The following CACNB2 variants were observed in gnomAD, a reference collection of about 807,000 sequenced individuals.
CACNB2 encodes the protein voltage-dependent L-type calcium channel subunit beta-2.
In CACNB2, 42 loss-of-function variants were observed where a neutral mutation model predicts 73.3. The observed-to-expected ratio is 0.57, with a 90% confidence interval of 0.45 to 0.74. The LOEUF is 0.74. Ranked by LOEUF, CACNB2 falls within the 30% of genes least tolerant of loss-of-function variation. CACNB2 has a pLI of 0.00. For synonymous variants in CACNB2, 348 were observed against 310.3 expected (o/e 1.12, Z -1.28); for missense variants, 940 against 853.0 (o/e 1.10, Z -1.27).
At chr10:18,166,554 A>G (rs2032865526) in intron 2 of CACNB2, among the ~76,000 whole-genome samples, 1 of 152,226 alleles carries the variant, frequency 6.6e-6, no homozygotes, top group Admixed American at 6.5e-5. Context: ...CTAAACTCAT[A>G]AATATTCCTA....
At chr10:18,447,579 A>T (rs1589385056) in intron 3 of CACNB2, among the ~76,000 whole-genome samples, 3 of 152,224 alleles carry the variant, frequency 2.0e-5, no homozygotes, top group Admixed American at 6.5e-5. Flanking sequence ...GTGTTCAGCA[A>T]CGTCAAATGC....
chr10:18,398,667 TCACACACACACA>T (rs755907676), intron 2 of CACNB2, among the ~76,000 whole-genome samples: 2 of 132,296 alleles, frequency 1.5e-5, no homozygotes, highest in Admixed American at 7.4e-5. Flanking sequence ...AGTGAGACTG[TCACACACACACA>T]CACACACACA....
chr10:18,534,026 C>G (rs751779050), intron 10 of CACNB2, 50 bp from the exon 11 acceptor site: 1 of 1,597,634 alleles, frequency 6.3e-7, no homozygotes, highest in Admixed American at 1.7e-5. Flanking sequence ...TACCATTTTA[C>G]TTTATCTTAA....
At chr10:18,390,509 G>A (rs1477413554) in intron 2 of CACNB2, among the ~76,000 whole-genome samples, 1 of 152,234 alleles carries the variant, frequency 6.6e-6, no homozygotes, top group Non-Finnish European at 1.5e-5. Context: ...ACGGGGCCCA[G>A]CCAACATGGT....
At chr10:18,442,966 ATATG>A (rs1430085164) in intron 3 of CACNB2, among the ~76,000 whole-genome samples, 1 of 24,066 alleles carries the variant, frequency 4.2e-5, no homozygotes, top group South Asian at 1.3e-3. Context: ...ATGTATATAT[ATATG>A]TGTATATATA....
chr10:18,262,806 T>G (rs2037615569), intron 2 of CACNB2, among the ~76,000 whole-genome samples: 1 of 152,202 alleles, frequency 6.6e-6, no homozygotes, highest in Non-Finnish European at 1.5e-5. Context: ...AATTCTGAAA[T>G]AAGGCCTCCA....
intron 3 of CACNB2, among the ~76,000 whole-genome samples, chr10:18,431,132 C>G (rs959263625): frequency 6.6e-6 from 1 of 151,964 alleles, no homozygotes; most frequent in East Asian, 1.9e-4. Flanking sequence ...CAGGAGTGTA[C>G]TACTACATCT....
chr10:18,403,951 T>C (rs2044146939), intron 3 of CACNB2, among the ~76,000 whole-genome samples: 1 of 151,896 alleles, frequency 6.6e-6, no homozygotes, highest in Non-Finnish European at 1.5e-5. Flanking sequence ...AATAACTTAA[T>C]TGTATATTTT....
chr10:18,141,117 C>G, intron 1 of CACNB2: 1 of 1,549,582 alleles, frequency 6.5e-7, no homozygotes, highest in African/African-American at 1.4e-5. Context: ...TCCTCCCAGA[C>G]TTCTCCCGGG....
In CACNB2 at chr10:18,387,756, C is replaced by T. The variant is rs376575587; in HGVS notation, c.214-14168C>T. On this transcript the variant is annotated intron_variant, in intron 2 of 13. Coordinates refer to ENST00000324631, the MANE Select transcript of CACNB2 (RefSeq NM_201596.3). ...AGCATAGTCACCGAGCCATTTCTTT[C>T]TCTCTTTTTTTTTTTTTAGCGACAG... is the stretch of plus-strand genomic sequence containing the variant. Among the ~76,000 whole-genome samples, 458 of 151,436 alleles carry T rather than the reference C, an allele frequency of 3.0e-3. 3 individuals are homozygous for T. Among genetic ancestry groups the T allele is most frequent in the African/African-American group, 0.011 (439 of 41,122 alleles).
At chr10:18,411,262 T>C (rs113085015) in intron 3 of CACNB2, among the ~76,000 whole-genome samples, 10,007 of 152,222 alleles carry the variant, frequency 0.066, 873 homozygotes, top group African/African-American at 0.18. Flanking sequence ...CTACCTGTGA[T>C]AAATAAAAAG....
At chr10:18,489,571 T>G (rs2049289406) in intron 3 of CACNB2, among the ~76,000 whole-genome samples, 1 of 151,914 alleles carries the variant, frequency 6.6e-6, no homozygotes, top group Admixed American at 6.6e-5. Flanking sequence ...CCACAGTGAA[T>G]GGCTGGGAGA....
intron 3 of CACNB2, among the ~76,000 whole-genome samples, chr10:18,492,478 G>T (rs1049809092): frequency 2.0e-5 from 3 of 152,012 alleles, no homozygotes; most frequent in East Asian, 1.9e-4. Context: ...AAAGTTAGCC[G>T]GGTGTGGTGG....
At chr10:18,387,771 T>C (rs1420291979) in intron 2 of CACNB2, among the ~76,000 whole-genome samples, 1 of 152,022 alleles carries the variant, frequency 6.6e-6, no homozygotes, top group African/African-American at 2.4e-5. Context: ...TTTTTTTTTT[T>C]TTAGCGACAG....
chr10:18,337,359 C>T (rs1419563111), intron 2 of CACNB2, among the ~76,000 whole-genome samples: 2 of 152,176 alleles, frequency 1.3e-5, no homozygotes, highest in Non-Finnish European at 2.9e-5. Context: ...ATCTCAGCCT[C>T]CCAAAGTGCT....
chr10:18,357,781 A>T (rs2041982209), intron 2 of CACNB2, among the ~76,000 whole-genome samples: 1 of 152,190 alleles, frequency 6.6e-6, no homozygotes, highest in South Asian at 2.1e-4. Context: ...TGCTGTGTAA[A>T]ATGCAAACAG....
In CACNB2 at chr10:18,532,291, A is replaced by G. The variant is rs188650881; in HGVS notation, c.1055-1785A>G. On this transcript the variant is annotated intron_variant, in intron 10 of 13. Transcript: ENST00000324631. ...ACCACAAATATCTTTATATATGTGTATATATTAAAACATGTTAATATATTG... is the reference window on the plus strand; with the variant it reads ...ACCACAAATATCTTTATATATGTGTGTATATTAAAACATGTTAATATATTG... Among the ~76,000 whole-genome samples, 23 of 152,274 alleles carry G rather than the reference A, an allele frequency of 1.5e-4. No homozygotes were observed. The East Asian group carries it at 4.4e-3, about 29-fold the overall frequency.
At chr10:18,163,522 A>G (rs896861330) in intron 2 of CACNB2, among the ~76,000 whole-genome samples, 10 of 152,278 alleles carry the variant, frequency 6.6e-5, no homozygotes, top group African/African-American at 2.4e-4. Flanking sequence ...GACTTTGGCA[A>G]TACCTTGGAA....
chr10:18,437,209 AC>A (rs2046179398), intron 3 of CACNB2, among the ~76,000 whole-genome samples: 1 of 152,190 alleles, frequency 6.6e-6, no homozygotes, highest in South Asian at 2.1e-4. Context: ...GGGTTAGGTG[AC>A]CCAGTATCTC....
Sources: allele counts gnomAD v4.1 joint callset (sites outside exome capture counted in the v4.1 genomes callset), GRCh38; gene constraint gnomAD v4.1.1; transcripts MANE v1.5; gene names NCBI Gene and HGNC (gene_info 2026-07-23, HGNC 2026-07-21).